MTA3: variants seen among roughly 807,000 people sequenced by gnomAD.
MTA3 encodes metastasis-associated protein MTA3.
Under a neutral mutation model 83.5 loss-of-function variants are expected in MTA3, and 34 were observed. That is an observed-to-expected ratio of 0.41 (90% CI 0.31 to 0.54). The LOEUF (loss-of-function observed/expected upper bound fraction) is 0.54. MTA3 is among the 20% of genes least tolerant of loss of function. MTA3 has a pLI of 0.33. For missense variants in MTA3, 761 were observed against 726.4 expected (o/e 1.05, Z -0.55); for synonymous variants, 303 against 252.7 (o/e 1.20, Z -1.89).
At chr2:42,616,144 C>G (rs1684857149) in intron 4 of MTA3, among the ~76,000 whole-genome samples, 1 of 151,808 alleles carries the variant, frequency 6.6e-6, no homozygotes, top group Non-Finnish European at 1.5e-5. Flanking sequence ...CACTGCAACT[C>G]CGCCTCCCGG....
intron 4 of MTA3, among the ~76,000 whole-genome samples, chr2:42,621,636 GCT>G (rs1685551789): frequency 6.6e-6 from 1 of 152,224 alleles, no homozygotes; most frequent in African/African-American, 2.4e-5. Flanking sequence ...TTCTCAATGA[GCT>G]GTTGGGTACA....
chr2:42,606,925 C>G (rs1200314140), intron 3 of MTA3, among the ~76,000 whole-genome samples: 9 of 149,272 alleles, frequency 6.0e-5, no homozygotes, highest in Non-Finnish European at 1.0e-4. Flanking sequence ...CAAAACCAGT[C>G]AGGCGTGGCG....
At chr2:42,524,921 C>T (rs978346478) in intron 2 of MTA3, among the ~76,000 whole-genome samples, 1 of 148,604 alleles carries the variant, frequency 6.7e-6, no homozygotes, top group African/African-American at 2.5e-5. Context: ...CATGACCACA[C>T]AGTTGAATTA....
rs944825698 is a variant in MTA3, at chr2:42,679,474, G to A, written c.703-2927G>A. Among the ~76,000 whole-genome samples, 8 of 152,348 alleles carry A rather than the reference G, an allele frequency of 5.3e-5. No homozygotes were observed. In the South Asian group the frequency reaches 1.7e-3, roughly 32 times the overall value. ...AGCACAGAGTGAAGCAAGGAAAGAT[G>A]ATCAGATAGGGCATGATAGCCTAGA... On this transcript the variant is annotated intron_variant, in intron 8 of 16. Coordinates refer to ENST00000405094, the MANE Select transcript of MTA3 (RefSeq NM_001330442.2).
In MTA3 at chr2:42,579,085, TTTTA is replaced by T; in HGVS notation, c.97-18_97-15del. 1.9e-6 allele frequency: 3 copies of T among 1,541,452 alleles called. No homozygotes were observed. The highest frequency in any genetic ancestry group is 2.6e-6 in the Non-Finnish European group (3 of 1,133,232). ...GACTCTAATATTCAGTGCAAATGAC[TTTTA>T]TTTTTCTTATCTCTTAGACTGCAAG... On this transcript the variant is annotated intron_variant, in intron 2 of 16. Transcript: ENST00000405094.
intron 2 of MTA3, among the ~76,000 whole-genome samples, chr2:42,537,814 T>C (rs1676318823): frequency 6.6e-6 from 1 of 152,170 alleles, no homozygotes; most frequent in Non-Finnish European, 1.5e-5. Context: ...CTGGATGTGG[T>C]CATTCTTTTT....
intron 2 of MTA3, among the ~76,000 whole-genome samples, chr2:42,548,844 A>AT (rs1676906921): frequency 1.2e-4 from 1 of 8,524 alleles, no homozygotes; most frequent in African/African-American, 3.3e-4. Flanking sequence ...ATATATATAT[A>AT]TAATATATAT....
intron 8 of MTA3, among the ~76,000 whole-genome samples, chr2:42,670,711 G>A (rs1690715167): frequency 6.6e-6 from 1 of 150,678 alleles, no homozygotes; most frequent in African/African-American, 2.4e-5. Context: ...CGAGAGCTCA[G>A]TCCAAAATAA....
intron 16 of MTA3, among the ~76,000 whole-genome samples, chr2:42,732,802 TCAA>T (rs1263510671): frequency 2.6e-5 from 4 of 152,232 alleles, no homozygotes; most frequent in Non-Finnish European, 1.5e-5. Context: ...ATCATCTTTC[TCAA>T]GTTCAAAGTT....
chr2:42,571,185 A>T (rs1573007177), intron 2 of MTA3, among the ~76,000 whole-genome samples: 3 of 151,828 alleles, frequency 2.0e-5, no homozygotes, highest in Admixed American at 1.3e-4. Flanking sequence ...ACTTGAGGTC[A>T]GGAGTTCAAG....
At chr2:42,658,744 CAT>C (rs1689403852) in intron 7 of MTA3, among the ~76,000 whole-genome samples, 1 of 152,044 alleles carries the variant, frequency 6.6e-6, no homozygotes, top group African/African-American at 2.4e-5. Flanking sequence ...TACTTTTCAA[CAT>C]GTTTGTTGTA....
intron 8 of MTA3, among the ~76,000 whole-genome samples, chr2:42,672,352 A>AAG (rs1690880376): frequency 6.6e-6 from 1 of 151,700 alleles, no homozygotes; most frequent in African/African-American, 2.4e-5. Flanking sequence ...TTAAAAAAAA[A>AAG]AAAAAATAGG....
chr2:42,675,031 C>G (rs771211968), intron 8 of MTA3, among the ~76,000 whole-genome samples: 1 of 152,014 alleles, frequency 6.6e-6, no homozygotes, highest in Non-Finnish European at 1.5e-5. Flanking sequence ...CCTGCCTTGG[C>G]CTCCCAGGGC....
chr2:42,641,660 A>C (rs1687702889), intron 5 of MTA3, among the ~76,000 whole-genome samples: 1 of 152,126 alleles, frequency 6.6e-6, no homozygotes, highest in African/African-American at 2.4e-5. Context: ...AGCCTGACCA[A>C]CGTGGTGAAA....
chr2:42,616,421 CT>C (rs111768597), intron 4 of MTA3, among the ~76,000 whole-genome samples: 130 of 139,138 alleles, frequency 9.3e-4, no homozygotes, highest in African/African-American at 1.8e-3. Flanking sequence ...GATCTCTTGT[CT>C]TTTTTTTTTT....
intron 2 of MTA3, among the ~76,000 whole-genome samples, chr2:42,518,117 G>A (rs963126292): frequency 4.6e-5 from 7 of 151,834 alleles, no homozygotes; most frequent in African/African-American, 1.7e-4. Flanking sequence ...GGAGGCAGAG[G>A]TTGCAATGAG....
chr2:42,684,927 G>C (rs982143383), intron 9 of MTA3, among the ~76,000 whole-genome samples: 1 of 152,224 alleles, frequency 6.6e-6, no homozygotes, highest in African/African-American at 2.4e-5. Flanking sequence ...AATTACTTCT[G>C]TCAGTACATG....
intron 3 of MTA3, among the ~76,000 whole-genome samples, chr2:42,604,997 A>G (rs1410682076): frequency 1.2e-4 from 18 of 150,156 alleles, no homozygotes. Context: ...CCACACAGAC[A>G]CGGCAACCAT....
At chr2:42,732,753 G>C (rs982353152) in intron 16 of MTA3, among the ~76,000 whole-genome samples, 6 of 152,174 alleles carry the variant, frequency 3.9e-5, no homozygotes, top group Non-Finnish European at 5.9e-5. Flanking sequence ...CCTCTTGAAT[G>C]CTTTGCTGCT....
Sources: allele counts gnomAD v4.1 joint callset (sites outside exome capture counted in the v4.1 genomes callset), GRCh38; gene constraint gnomAD v4.1.1; transcripts MANE v1.5; gene names NCBI Gene and HGNC (gene_info 2026-07-23, HGNC 2026-07-21).